Variants in B4GALT6 observed in about 807,000 individuals in gnomAD.
B4GALT6 encodes the protein UDP-Gal:beta-GlcNAc beta-1,4-galactosyltransferase 6.
In B4GALT6, 14 loss-of-function variants were observed where a neutral mutation model predicts 46.3. That is an observed-to-expected ratio of 0.30 (90% CI 0.20 to 0.47). The LOEUF (loss-of-function observed/expected upper bound fraction) is 0.47, where lower values mean the gene tolerates loss of function less well. Ranked by LOEUF, B4GALT6 falls within the 20% of genes least tolerant of loss-of-function variation. B4GALT6 has a pLI of 0.99. For missense variants in B4GALT6, 386 were observed against 480.1 expected (o/e 0.80, Z 1.83); for synonymous variants, 168 against 162.0 (o/e 1.04, Z -0.28).
In B4GALT6 at chr18:31,642,746, G is replaced by A. The variant is rs117875055; in HGVS notation, c.471+2609C>T. 6.7e-3 allele frequency among the ~76,000 whole-genome samples: 1,017 copies of A among 152,302 alleles called. 7 individuals are homozygous for A. The highest frequency in any genetic ancestry group is 0.01 in the Middle Eastern group (3 of 294). The stretch of plus-strand genomic sequence containing the variant: ...TTGCCCAGTCTGGAGCGCAGTGGGC[G>A]CGATCTTGGCTCACTGCAACCTCTG... On this transcript the variant is annotated intron_variant, in intron 4 of 8. Transcript: ENST00000306851.
At chr18:31,684,717 A>C, upstream of B4GALT6, 2 of 1,134,558 alleles carry the variant, frequency 1.8e-6, no homozygotes, top group Non-Finnish European at 2.2e-6. Context: ...GGACGGAAGA[A>C]AGCCGGGGAA....
chr18:31,689,892 C>T (rs1598945487), upstream of B4GALT6, among the ~76,000 whole-genome samples: 1 of 152,112 alleles, frequency 6.6e-6, no homozygotes, highest in East Asian at 1.9e-4. Flanking sequence ...GGCAACTCAA[C>T]CCTAGAGAGA....
chr18:31,685,024 G>T (rs1234281299), upstream of B4GALT6, among the ~76,000 whole-genome samples: 1 of 146,178 alleles, frequency 6.8e-6, no homozygotes, highest in Non-Finnish European at 1.5e-5. Flanking sequence ...CCACGCGCGG[G>T]GGCCCGCGGG....
chr18:31,637,390 CTTT>C (rs58990857), intron 5 of B4GALT6, among the ~76,000 whole-genome samples: 2 of 115,996 alleles, frequency 1.7e-5, no homozygotes, highest in African/African-American at 3.3e-5. Context: ...GCAATGTATG[CTTT>C]TTTTTTTTTT....
At chr18:31,637,550 T>G (rs1267964767) in intron 5 of B4GALT6, among the ~76,000 whole-genome samples, 3 of 152,188 alleles carry the variant, frequency 2.0e-5, no homozygotes, top group African/African-American at 7.2e-5. Flanking sequence ...AAATGTTTAA[T>G]GTATACTACT....
the B4GALT6 span, among the ~76,000 whole-genome samples, chr18:31,710,428 T>C: frequency 6.6e-6 from 1 of 152,178 alleles, no homozygotes; most frequent in Non-Finnish European, 1.5e-5. Context: ...CAAAAAAATG[T>C]CTTTAGAGAT....
At chr18:31,657,880 C>T (rs2074160930) in intron 3 of B4GALT6, 96 bp downstream of exon 3, 3 of 850,592 alleles carry the variant, frequency 3.5e-6, no homozygotes, top group Non-Finnish European at 1.9e-6. Context: ...CACCCAGGTG[C>T]ACATGACCTG....
At position 31,635,867 on chromosome 18, in the gene B4GALT6, T is replaced by C. The variant is rs117920010; in HGVS notation, c.588+2777A>G. ...TCTACCAAAAGAGAGAAGATAAAAGTATCTAATAATACAAGCCAGGTAACT... is the reference window on the plus strand; with the variant it reads ...TCTACCAAAAGAGAGAAGATAAAAGCATCTAATAATACAAGCCAGGTAACT... On this transcript the variant is annotated intron_variant, in intron 5 of 8. Transcript: ENST00000306851. 2.0e-3 allele frequency among the ~76,000 whole-genome samples: 305 copies of C among 152,246 alleles called. 1 individual carries two copies. Among genetic ancestry groups the C allele is most frequent in the Non-Finnish European group, 3.2e-3 (218 of 68,002 alleles).
chr18:31,628,206 G>A (rs2073727103), intron 6 of B4GALT6, among the ~76,000 whole-genome samples: 1 of 152,168 alleles, frequency 6.6e-6, no homozygotes, highest in African/African-American at 2.4e-5. Context: ...TGATCCTAAA[G>A]ACAACCATAC....
chr18:31,700,035 T>C, the B4GALT6 span, among the ~76,000 whole-genome samples: 1 of 152,148 alleles, frequency 6.6e-6, no homozygotes, highest in Admixed American at 6.5e-5. Context: ...AAAACTAATC[T>C]ATGAATTATT....
In B4GALT6 at chr18:31,628,681, G is replaced by A. The variant is rs140090138; in HGVS notation, c.777-1560C>T. The stretch of plus-strand genomic sequence containing the variant: ...GTGGCCATCACTGTGGGGCAGGGAC[G>A]CTTCACCAGGCTTCATCCCACAGCT... On this transcript the variant is annotated intron_variant, in intron 6 of 8. Coordinates refer to ENST00000306851, the MANE Select transcript of B4GALT6 (RefSeq NM_004775.5). 2.3e-3 allele frequency among the ~76,000 whole-genome samples: 349 copies of A among 152,238 alleles called. 2 individuals are homozygous for A. Among genetic ancestry groups the A allele is most frequent in the Non-Finnish European group, 4.4e-3 (297 of 68,010 alleles).
At chr18:31,646,372 T>TC (rs2073991422) in intron 3 of B4GALT6, among the ~76,000 whole-genome samples, 1 of 152,190 alleles carries the variant, frequency 6.6e-6, no homozygotes, top group South Asian at 2.1e-4. Context: ...AAAAGAGAAC[T>TC]AAGAATCAAG....
At chr18:31,711,132 T>C in the B4GALT6 span, among the ~76,000 whole-genome samples, 1 of 152,212 alleles carries the variant, frequency 6.6e-6, no homozygotes, top group Admixed American at 6.5e-5. Context: ...CAAAGAGGTA[T>C]CTCTTAAAAA....
chr18:31,653,428 C>A (rs1453507783), intron 3 of B4GALT6, among the ~76,000 whole-genome samples: 2 of 143,090 alleles, frequency 1.4e-5, no homozygotes, highest in Admixed American at 1.5e-4. Context: ...CATTCATAAC[C>A]TTTTTTCTTT....
chr18:31,688,802 AGCAGAG>A (rs2030015462), upstream of B4GALT6, among the ~76,000 whole-genome samples: 1 of 149,204 alleles, frequency 6.7e-6, no homozygotes, highest in Admixed American at 6.6e-5. Flanking sequence ...GTATAAAGGT[AGCAGAG>A]CTGGGAAGAA....
intron 5 of B4GALT6, among the ~76,000 whole-genome samples, chr18:31,636,882 C>T (rs777974914): frequency 2.6e-5 from 4 of 152,188 alleles, no homozygotes; most frequent in South Asian, 2.1e-4. Context: ...AGCGCAGTGG[C>T]GCAATCTTGG....
chr18:31,656,117 C>A (rs2074135421), intron 3 of B4GALT6, among the ~76,000 whole-genome samples: 1 of 152,082 alleles, frequency 6.6e-6, no homozygotes. Flanking sequence ...GATGTACCCC[C>A]AAGACTGAAA....
intron 1 of B4GALT6, among the ~76,000 whole-genome samples, chr18:31,668,246 G>A (rs929866563): frequency 6.6e-6 from 1 of 152,138 alleles, no homozygotes; most frequent in African/African-American, 2.4e-5. Context: ...CTTGTAAGTG[G>A]GAGCTAGACA....
the B4GALT6 span, among the ~76,000 whole-genome samples, chr18:31,717,211 T>C: frequency 6.6e-6 from 1 of 152,186 alleles, no homozygotes; most frequent in African/African-American, 2.4e-5. Flanking sequence ...TAAATTATGA[T>C]ATTTATATAC....
Sources: gnomAD v4.1 joint callset for allele counts (sites outside exome capture counted in the v4.1 genomes callset) on GRCh38, gnomAD v4.1.1 for gene constraint, MANE v1.5 for transcripts, NCBI Gene and HGNC (gene_info 2026-07-23, HGNC 2026-07-21) for gene names.